Variants in PTPRD observed in about 807,000 individuals in gnomAD.
PTPRD encodes receptor-type tyrosine-protein phosphatase delta.
Under a neutral mutation model 214.5 loss-of-function variants are expected in PTPRD, and 34 were observed. That is an observed-to-expected ratio of 0.16 (90% CI 0.12 to 0.21). The LOEUF (loss-of-function observed/expected upper bound fraction) is 0.21. PTPRD is among the 10% of genes least tolerant of loss of function. The probability of loss-of-function intolerance (pLI) is 1.00; values close to 1 mark genes in which losing one functional copy is unlikely to be tolerated. For synonymous variants in PTPRD, 1,128 were observed against 845.7 expected (o/e 1.33, Z -5.79); for missense variants, 2,545 against 2,398.7 (o/e 1.06, Z -1.27).
intron 8 of PTPRD, among the ~76,000 whole-genome samples, chr9:9,519,138 T>C (rs2096905226): frequency 6.6e-6 from 1 of 151,978 alleles, no homozygotes; most frequent in Non-Finnish European, 1.5e-5. Flanking sequence ...TGAAAATGTA[T>C]AAATATTTTG....
intron 3 of PTPRD, among the ~76,000 whole-genome samples, chr9:10,203,169 CTTTTTTT>C: frequency 8.3e-6 from 1 of 119,884 alleles, no homozygotes; most frequent in African/African-American, 3.1e-5. Flanking sequence ...CCCTCTCTCT[CTTTTTTT>C]TTTTTTTTTT....
intron 2 of PTPRD, among the ~76,000 whole-genome samples, chr9:10,460,153 G>C (rs1161196195): frequency 6.6e-6 from 1 of 151,762 alleles, no homozygotes; most frequent in African/African-American, 2.4e-5. Flanking sequence ...AGCATAAAAA[G>C]CTTAGGAATA....
At chr9:9,179,330 T>A (rs886475690) in intron 10 of PTPRD, among the ~76,000 whole-genome samples, 1 of 152,100 alleles carries the variant, frequency 6.6e-6, no homozygotes, top group African/African-American at 2.4e-5. Context: ...GAACCCACAG[T>A]ATTGTTATGT....
chr9:9,690,203 G>A (rs1358718028), intron 7 of PTPRD, among the ~76,000 whole-genome samples: 1 of 151,714 alleles, frequency 6.6e-6, no homozygotes, highest in Non-Finnish European at 1.5e-5. Flanking sequence ...TGAAATATCT[G>A]ACTGTAGTTT....
At chr9:9,151,633 T>A (rs181336180) in intron 10 of PTPRD, among the ~76,000 whole-genome samples, 3 of 152,342 alleles carry the variant, frequency 2.0e-5, no homozygotes, top group East Asian at 3.9e-4. Context: ...AAACCCATCT[T>A]GGAAGATTAA....
intron 39 of PTPRD, among the ~76,000 whole-genome samples, chr9:8,350,935 C>T (rs990933905): frequency 6.6e-6 from 1 of 152,130 alleles, no homozygotes; most frequent in Non-Finnish European, 1.5e-5. Context: ...TTCAAATGCA[C>T]ATACTCTTTG....
intron 9 of PTPRD, among the ~76,000 whole-genome samples, chr9:9,234,490 G>T (rs1045275590): frequency 6.6e-6 from 1 of 152,158 alleles, no homozygotes; most frequent in African/African-American, 2.4e-5. Flanking sequence ...TCATACTTAT[G>T]CAAATTTCTG....
At chr9:8,994,563 G>A (rs2099389365) in intron 11 of PTPRD, among the ~76,000 whole-genome samples, 2 of 152,044 alleles carry the variant, frequency 1.3e-5, no homozygotes, top group Admixed American at 1.3e-4. Context: ...AGCTTAGAGG[G>A]AGAAGAAAAG....
At chr9:10,396,991 C>T (rs781280232) in intron 2 of PTPRD, among the ~76,000 whole-genome samples, 10 of 152,052 alleles carry the variant, frequency 6.6e-5, no homozygotes, top group Admixed American at 5.2e-4. Context: ...CCTAGCTACA[C>T]GTCTGGGGAA....
rs765198275 is a variant in PTPRD, at chr9:8,420,079, C to T, written c.4087-15419G>A. ...AACAAACGTAGACAAAAATGCCAGTCCCATTAACCATGGAGTAAAACTCAT... is the reference window on the plus strand; with the variant it reads ...AACAAACGTAGACAAAAATGCCAGTTCCATTAACCATGGAGTAAAACTCAT... On this transcript the variant is annotated intron_variant, in intron 35 of 45. Transcript: ENST00000381196. Among the ~76,000 whole-genome samples the T allele has an allele frequency of 5.3e-5, 8 of 152,106 alleles. No individual in the cohort carries two copies. The South Asian group carries it at 1.7e-3, about 32-fold the overall frequency.
chr9:8,750,767 G>A (rs2093439777), intron 11 of PTPRD, among the ~76,000 whole-genome samples: 1 of 152,178 alleles, frequency 6.6e-6, no homozygotes, highest in Non-Finnish European at 1.5e-5. Flanking sequence ...GGAAAATAAA[G>A]TGGGCCCAGG....
At chr9:8,429,075 G>A (rs2094879758) in intron 35 of PTPRD, among the ~76,000 whole-genome samples, 1 of 152,122 alleles carries the variant, frequency 6.6e-6, no homozygotes, top group South Asian at 2.1e-4. Context: ...GAGAACCACT[G>A]GGTTTTCCCA....
intron 12 of PTPRD, among the ~76,000 whole-genome samples, chr9:8,706,673 C>A (rs1453522370): frequency 6.6e-6 from 1 of 152,186 alleles, no homozygotes; most frequent in African/African-American, 2.4e-5. Context: ...ATGTCAGAGT[C>A]CTTTGATGGA....
At chr9:8,845,776 T>A (rs1165340850) in intron 11 of PTPRD, among the ~76,000 whole-genome samples, 1 of 151,960 alleles carries the variant, frequency 6.6e-6, no homozygotes, top group African/African-American at 2.4e-5. Flanking sequence ...ACCACCAGCA[T>A]ATTTTCCCAC....
intron 3 of PTPRD, among the ~76,000 whole-genome samples, chr9:10,186,779 A>T (rs1189510300): frequency 2.6e-5 from 4 of 152,154 alleles, no homozygotes; most frequent in Admixed American, 2.6e-4. Flanking sequence ...AGATACAGAA[A>T]ACTGAGTTTT....
intron 9 of PTPRD, among the ~76,000 whole-genome samples, chr9:9,305,785 T>A (rs1468020855): frequency 1.3e-5 from 2 of 152,156 alleles, no homozygotes; most frequent in African/African-American, 4.8e-5. Flanking sequence ...GCCATGTGGT[T>A]GTCATGTGAC....
At chr9:10,035,344 G>A (rs1467797780) in intron 3 of PTPRD, among the ~76,000 whole-genome samples, 1 of 151,530 alleles carries the variant, frequency 6.6e-6, no homozygotes. Flanking sequence ...TTAGACCTTT[G>A]TCATAGGAAT....
chr9:10,229,637 G>C (rs1034939388), intron 3 of PTPRD, among the ~76,000 whole-genome samples: 34 of 150,338 alleles, frequency 2.3e-4, no homozygotes, highest in Non-Finnish European at 4.0e-4. Context: ...TCACTCATAG[G>C]TGGGAATTGA....
At chr9:10,275,827 G>T (rs1564949556) in intron 3 of PTPRD, among the ~76,000 whole-genome samples, 1 of 152,168 alleles carries the variant, frequency 6.6e-6, no homozygotes, top group Non-Finnish European at 1.5e-5. Context: ...AAATACATTT[G>T]TGATGCCCCA....
Sources: gnomAD v4.1 joint callset for allele counts (sites outside exome capture counted in the v4.1 genomes callset) on GRCh38, gnomAD v4.1.1 for gene constraint, MANE v1.5 for transcripts, NCBI Gene and HGNC (gene_info 2026-07-23, HGNC 2026-07-21) for gene names.